BDH1: variants seen among roughly 807,000 people sequenced by gnomAD.
BDH1 encodes the protein D-beta-hydroxybutyrate dehydrogenase, mitochondrial.
A neutral mutation model predicts 33.1 loss-of-function variants in BDH1; 30 were observed. That is an observed-to-expected ratio of 0.91 (90% CI 0.68 to 1.23). The LOEUF is 1.23. BDH1 is among the 50% of genes most tolerant of loss of function. BDH1 has a pLI of 0.00. For synonymous variants in BDH1, 190 were observed against 183.6 expected, an observed-to-expected ratio of 1.03 and a Z score of -0.28; for missense variants, 443 against 464.4, an observed-to-expected ratio of 0.95 and a Z score of 0.42.
intron 1 of BDH1, among the ~76,000 whole-genome samples, chr3:197,565,357 G>A (rs1239134961): frequency 2.0e-5 from 3 of 152,154 alleles, no homozygotes; most frequent in African/African-American, 7.2e-5. Flanking sequence ...ACAATAACCT[G>A]TGATATCAAG....
chr3:197,533,582 G>C (rs768134217), intron 3 of BDH1, 21 bp from the exon 4 acceptor site: 1 of 1,612,278 alleles, frequency 6.2e-7, no homozygotes, highest in African/African-American at 1.3e-5. Flanking sequence ...AAAGGAAGCC[G>C]TGAGTACAAG....
At chr3:197,563,973 G>T (rs1296169942) in intron 1 of BDH1, among the ~76,000 whole-genome samples, 1 of 151,872 alleles carries the variant, frequency 6.6e-6, no homozygotes, top group African/African-American at 2.4e-5. Flanking sequence ...GTGGTGGTAG[G>T]CTACTGTAAT....
rs569205118 is a variant in BDH1, at chr3:197,554,269, C to T, written c.-44+293G>A. 6.2e-4 allele frequency: 95 copies of T among 152,364 alleles called. No individual in the cohort carries two copies. The highest frequency in any genetic ancestry group is 2.2e-3 in the African/African-American group (92 of 41,576). The allele number at this position is 152,364 out of a possible 1,614,324, so 9.4% of individuals were successfully genotyped here. A position where few individuals can be genotyped will look rare whatever the true frequency, so the allele number is the denominator to read the frequency against. On this transcript the variant is annotated intron_variant, in intron 2 of 7. Transcript: ENST00000392379. The surrounding 1 kb of genome is among the most constrained non-coding windows in gnomAD (Gnocchi z 4.4). ...GTAACTGCACCTACCTAGCCAGGGT[C>T]GTATTCGAGGGATTTCTGTTTATAA...
chr3:197,565,351 T>C lies in BDH1; in HGVS notation c.-44+7830A>G, dbSNP rs189008210. On this transcript the variant is annotated intron_variant, in intron 1 of 6. Coordinates refer to the BDH1 transcript ENST00000358186. ...GTCAAATGAATGACTTATTTTACAA[T>C]AACCTGTGATATCAAGTGTTCTAAA... Among the ~76,000 whole-genome samples the C allele has an allele frequency of 7.7e-4, 118 of 152,350 alleles. 1 individual carries two copies. The East Asian group carries it at 0.019, about 25-fold the overall frequency.
chr3:197,569,445 T>C (rs568006894), intron 1 of BDH1, among the ~76,000 whole-genome samples: 1 of 152,302 alleles, frequency 6.6e-6, no homozygotes, highest in Admixed American at 6.5e-5. Context: ...TTCTGGTTGA[T>C]TATATTGATA....
rs747825859 is a variant in BDH1, at chr3:197,514,288, G to A, written c.538C>T (p.Leu180Phe). ...CCTTTGGCCCTTCGGATGAGGGGGAGAAAGGATTTCGTCATCCGCACTGTG... is the reference window on the plus strand; with the variant it reads ...CCTTTGGCCCTTCGGATGAGGGGGAAAAAGGATTTCGTCATCCGCACTGTG... The part of the protein sequence containing the change: ...WGTVRMTKSF[L>F]PLIRRAKGRV... The change falls in exon 7 of 8, where the codon CTC becomes TTC. Residue 180 changes from leucine (L) to phenylalanine (F), a missense_variant. Coordinates refer to ENST00000392379, the MANE Select transcript of BDH1 (RefSeq NM_203314.3). The surrounding 1 kb of genome is among the most constrained non-coding windows in gnomAD (Gnocchi z 4.2). The A allele has an allele frequency of 6.2e-7, 1 of 1,613,660 alleles. No individual in the cohort carries two copies. The highest frequency in any genetic ancestry group is 1.1e-5 in the South Asian group (1 of 91,014).
At position 197,511,945 on chromosome 3, in the gene BDH1, T is replaced by C. The variant is rs1448658920; in HGVS notation, c.982A>G (p.Ile328Val). Residue 328 changes from isoleucine to valine, a missense_variant, in exon 8 of 8, where the codon ATC becomes GTC. Physicochemically the swap from Ile to Val is conservative, Grantham distance 29. Transcript: ENST00000392379. The part of the protein sequence containing the change: ...MDYYWWLRMQ[I>V]MTHLPGAISD... ...ATGGCTCCAGGCAAGTGGGTCATGA[T>C]CTGCATTCGCAGCCACCAGTAGTAG... is the stretch of plus-strand genomic sequence containing the variant. 3.1e-6 allele frequency: 5 copies of C among 1,591,070 alleles called. No homozygotes were observed. The highest frequency in any genetic ancestry group is 4.3e-6 in the Non-Finnish European group (5 of 1,166,588).
At chr3:197,543,107 A>G (rs1450064515) in intron 3 of BDH1, 3 of 985,274 alleles carry the variant, frequency 3.0e-6, no homozygotes, top group East Asian at 2.3e-4. Flanking sequence ...ATCAGGAATC[A>G]GAAACAATAA....
intron 1 of BDH1, among the ~76,000 whole-genome samples, chr3:197,570,438 T>C (rs901456380): frequency 6.6e-6 from 1 of 152,212 alleles, no homozygotes; most frequent in Non-Finnish European, 1.5e-5. Flanking sequence ...TCAAAGACCT[T>C]TGTGGCAGCC....
chr3:197,511,887 G>A lies in BDH1; in HGVS notation c.*8C>T, dbSNP rs763221427. ...AGGGATCCCTGACAGAGGCCACAGC[G>A]AGACTCTTCAGCGGATGTAGATCAT... On this transcript the variant is annotated 3_prime_UTR_variant, in exon 8 of 8. Transcript: ENST00000392379. 1.3e-6 allele frequency: 2 copies of A among 1,545,550 alleles called. No homozygotes were observed. Among genetic ancestry groups the A allele is most frequent in the Admixed American group, 1.9e-5 (1 of 52,954 alleles).
intron 1 of BDH1, among the ~76,000 whole-genome samples, chr3:197,568,558 G>A (rs1717507940): frequency 6.6e-6 from 1 of 152,054 alleles, no homozygotes; most frequent in Admixed American, 6.6e-5. Flanking sequence ...AGTAAAACAA[G>A]TGCTTGACCT....
chr3:197,534,843 C>T (rs1052419788), intron 3 of BDH1, among the ~76,000 whole-genome samples: 1 of 152,182 alleles, frequency 6.6e-6, no homozygotes. Flanking sequence ...TGTTGAACAT[C>T]TTTTCATGTT....
At chr3:197,552,564 C>T (rs921306202) in intron 2 of BDH1, among the ~76,000 whole-genome samples, 1 of 152,194 alleles carries the variant, frequency 6.6e-6, no homozygotes, top group African/African-American at 2.4e-5. Flanking sequence ...GTCTTTGGAA[C>T]ATAGCAAGCC....
upstream of BDH1, among the ~76,000 whole-genome samples, chr3:197,557,386 A>G (rs1000419003): frequency 1.3e-5 from 2 of 152,250 alleles, no homozygotes; most frequent in African/African-American, 4.8e-5. This position sits in a 1 kb window ranked among gnomAD's most constrained non-coding sequence, Gnocchi z 4.6. Context: ...AAGAGAATGA[A>G]TGAAACTTGC....
At chr3:197,549,644 G>C (rs981961044) in intron 2 of BDH1, among the ~76,000 whole-genome samples, 1 of 152,220 alleles carries the variant, frequency 6.6e-6, no homozygotes, top group Non-Finnish European at 1.5e-5. Flanking sequence ...CCCGAGGAGG[G>C]CAAGCTGGGG....
rs1051935543 is a variant in BDH1 at position 197,523,452 on chromosome 3, C to T, written c.268-671G>A. On this transcript the variant is annotated intron_variant, in intron 5 of 7. Coordinates refer to ENST00000392379, the MANE Select transcript of BDH1 (RefSeq NM_203314.3). The surrounding 1 kb of genome is among the most constrained non-coding windows in gnomAD (Gnocchi z 4.5). ...TTTTCTGGCTGTAAAACAGGAACAT[C>T]ACCACCTGTCCTGACCTGCTCAGAT... 6.6e-6 allele frequency among the ~76,000 whole-genome samples: 1 copy of T among 152,202 alleles called. No homozygotes were observed. Among genetic ancestry groups the T allele is most frequent in the African/African-American group, 2.4e-5 (1 of 41,460 alleles).
Position 197,520,779 on chromosome 3 carries a change from AG to A in BDH1, c.409+1860del, listed in dbSNP as rs1249054200. On this transcript the variant is annotated intron_variant, in intron 6 of 7. Transcript: ENST00000392379. The surrounding 1 kb of genome is among the most constrained non-coding windows in gnomAD (Gnocchi z 6.0). ...AGAATTTACCGCCAGGGAAGGGCGA[AG>A]CAGGCTGCAGGTTCTGAGCCGGTAA... Among the ~76,000 whole-genome samples the A allele has an allele frequency of 6.6e-6, 1 of 152,176 alleles. No individual in the cohort carries two copies. The highest frequency in any genetic ancestry group is 1.5e-5 in the Non-Finnish European group (1 of 68,020).
rs71164295 is a variant in BDH1, at chr3:197,542,521, C to CTTTTTTTTTTTT, written c.83+3828_83+3839dup. 1.1e-3 allele frequency among the ~76,000 whole-genome samples: 113 copies of CTTTTTTTTTTTT among 106,408 alleles called. 10 individuals are homozygous for CTTTTTTTTTTTT. The highest frequency in any genetic ancestry group is 4.1e-3 in the African/African-American group (95 of 23,436). 69.8% of individuals were successfully genotyped at this position (106,408 alleles called of 152,430 possible). ...GTCAACACGCTTTCTTTCTTGCTTGCTTTTTTTTTTTTTTTTTTTGAGACG... is the reference window on the plus strand; with the variant it reads ...GTCAACACGCTTTCTTTCTTGCTTGCTTTTTTTTTTTTTTTTTTTTTTTTTTTTTTTGAGACG... On this transcript the variant is annotated intron_variant, in intron 3 of 7. Coordinates refer to ENST00000392379, the MANE Select transcript of BDH1 (RefSeq NM_203314.3).
At chr3:197,527,135 A>G (rs1048938619) in intron 5 of BDH1, among the ~76,000 whole-genome samples, 7 of 152,248 alleles carry the variant, frequency 4.6e-5, no homozygotes, top group African/African-American at 1.7e-4. Flanking sequence ...GACACATGTT[A>G]TACGTCAGCA....
Sources: allele counts gnomAD v4.1 joint callset (sites outside exome capture counted in the v4.1 genomes callset), GRCh38; gene constraint gnomAD v4.1.1; non-coding constraint Gnocchi (gnomAD v3.1); transcripts MANE v1.5; gene names NCBI Gene and HGNC (gene_info 2026-07-23, HGNC 2026-07-21).